The following ENPP3 variants were observed in gnomAD, a reference collection of about 807,000 sequenced individuals.
ENPP3 encodes ectonucleotide pyrophosphatase/phosphodiesterase family member 3.
Under a neutral mutation model 117.8 loss-of-function variants are expected in ENPP3, and 104 were observed. The ratio of observed to expected loss-of-function variants is 0.88; its 90% CI spans 0.75 to 1.04. The LOEUF is 1.04. Ranked by LOEUF, ENPP3 falls within the 50% of genes least tolerant of loss-of-function variation. ENPP3 has a pLI of 0.00. For synonymous variants in ENPP3, 380 were observed against 349.9 expected (o/e 1.09, Z -0.96); for missense variants, 1,026 against 1,051.9 (o/e 0.98, Z 0.34).
intron 19 of ENPP3, among the ~76,000 whole-genome samples, chr6:131,725,417 C>T (rs1188913533): frequency 6.6e-6 from 1 of 152,110 alleles, no homozygotes; most frequent in Non-Finnish European, 1.5e-5. Flanking sequence ...TCTTCTCACT[C>T]TGAGCTCGTA....
rs553593621 is a variant in ENPP3, at chr6:131,722,162, C to G, written c.1568-65C>G. On this transcript the variant is annotated intron_variant, in intron 17 of 24. Transcript: ENST00000357639. ...AGAGTAGGTGTTTGTTTCTTCCCAT[C>G]TCCCACAGAGGAGTTGTTGCTTTCC... is the stretch of plus-strand genomic sequence containing the variant. 51 of 1,171,848 alleles carry G rather than the reference C, an allele frequency of 4.4e-5. No individual in the cohort carries two copies. The South Asian group carries it at 6.5e-4, about 15-fold the overall frequency. The allele number at this position is 1,171,848 out of a possible 1,614,324, so 72.6% of individuals were successfully genotyped here. A position where few individuals can be genotyped will look rare whatever the true frequency, so the allele number is the denominator to read the frequency against.
chr6:131,672,637 T>C (rs1778770324), intron 7 of ENPP3, among the ~76,000 whole-genome samples: 1 of 151,908 alleles, frequency 6.6e-6, no homozygotes, highest in Non-Finnish European at 1.5e-5. Flanking sequence ...TTATAGAATA[T>C]AACTACTACG....
intron 18 of ENPP3, 93 bp from the exon 19 acceptor site, chr6:131,723,947 G>T: frequency 3.5e-6 from 3 of 847,086 alleles, no homozygotes; most frequent in Non-Finnish European, 5.8e-6. Context: ...ACATTTAATC[G>T]ATTACTACAG....
At chr6:131,746,128 A>G (rs1171637859) in intron 24 of ENPP3, among the ~76,000 whole-genome samples, 1 of 152,064 alleles carries the variant, frequency 6.6e-6, no homozygotes, top group Non-Finnish European at 1.5e-5. Flanking sequence ...TGGCCCAACA[A>G]TTTTATTAAT....
intron 2 of ENPP3, among the ~76,000 whole-genome samples, chr6:131,644,816 A>C (rs1261465550): frequency 1.3e-5 from 2 of 152,096 alleles, no homozygotes; most frequent in Non-Finnish European, 2.9e-5. Context: ...AGAATTGGGG[A>C]GGTGAAGGGG....
intron 11 of ENPP3, among the ~76,000 whole-genome samples, chr6:131,678,958 T>TTTCTTTCCTTCC (rs780684077): frequency 2.2e-4 from 18 of 82,960 alleles, no homozygotes; most frequent in East Asian, 6.2e-4. Context: ...TCTTTCTTTC[T>TTTCTTTCCTTCC]TTCCTTCCTT....
At chr6:131,641,328 T>A in intron 1 of ENPP3, 127 bp from the exon 2 acceptor site, 1 of 515,456 alleles carries the variant, frequency 1.9e-6, no homozygotes, top group Non-Finnish European at 3.5e-6. Flanking sequence ...AGATCATTGT[T>A]GGATCTGGTA....
rs550958852 is a variant in ENPP3, at chr6:131,670,416, G to T, written c.563-832G>T. On this transcript the variant is annotated intron_variant, in intron 6 of 24. Coordinates refer to ENST00000357639, the MANE Select transcript of ENPP3 (RefSeq NM_005021.5). ...AGGCTGTGGCCCATAGGCCAAAACT[G>T]GTTCACTCTACTCGTTTGTGTATGG... 7.4e-4 allele frequency among the ~76,000 whole-genome samples: 112 copies of T among 152,246 alleles called. 1 individual carries two copies. Among genetic ancestry groups the T allele is most frequent in the South Asian group, 2.5e-3 (12 of 4,814 alleles).
At chr6:131,688,426 A>G (rs73779854) in intron 14 of ENPP3, among the ~76,000 whole-genome samples, 1,552 of 152,348 alleles carry the variant, frequency 0.01, 22 homozygotes, top group African/African-American at 0.032. Context: ...TGAGGAAGGC[A>G]TGTTGAAAGT....
intron 10 of ENPP3, among the ~76,000 whole-genome samples, chr6:131,677,264 C>G (rs1455122448): frequency 1.3e-5 from 2 of 152,002 alleles, no homozygotes; most frequent in African/African-American, 4.8e-5. Context: ...TTCCTGGGAG[C>G]TAGTAACTTT....
chr6:131,671,105 C>A, intron 6 of ENPP3, 143 bp from the exon 7 acceptor site: 1 of 614,862 alleles, frequency 1.6e-6, no homozygotes, highest in South Asian at 1.8e-5. Flanking sequence ...GCTTAGAGAC[C>A]AGAATTTCAA....
intron 5 of ENPP3, among the ~76,000 whole-genome samples, chr6:131,654,841 T>C (rs1778350492): frequency 6.6e-6 from 1 of 152,186 alleles, no homozygotes; most frequent in South Asian, 2.1e-4. Flanking sequence ...TAGCTCAGAT[T>C]CAGCTGCTCT....
chr6:131,693,669 T>C (rs924922940), intron 15 of ENPP3, 45 bp downstream of exon 15: 1 of 1,577,614 alleles, frequency 6.3e-7, no homozygotes, highest in Admixed American at 1.7e-5. Context: ...TTAATAACCA[T>C]TTGTCATTAT....
intron 20 of ENPP3, among the ~76,000 whole-genome samples, chr6:131,727,026 A>G (rs921452252): frequency 6.6e-6 from 1 of 152,244 alleles, no homozygotes; most frequent in South Asian, 2.1e-4. Flanking sequence ...TGATTAGACT[A>G]CATAAACATT....
chr6:131,710,382 A>AGCATCTTT, intron 15 of ENPP3: 1 of 1,519,962 alleles, frequency 6.6e-7, no homozygotes, highest in South Asian at 1.2e-5. Context: ...TTTCATTCAA[A>AGCATCTTT]GCATCTTTTA....
intron 15 of ENPP3, among the ~76,000 whole-genome samples, chr6:131,699,235 C>CAAAAAAAA (rs4053087): frequency 0.015 from 1,566 of 105,416 alleles, 3 homozygotes; most frequent in South Asian, 0.055. Context: ...AAGACTGTCT[C>CAAAAAAAA]AAAAAAAAAA....
At chr6:131,668,813 G>C (rs540078406) in intron 6 of ENPP3, among the ~76,000 whole-genome samples, 1 of 152,074 alleles carries the variant, frequency 6.6e-6, no homozygotes, top group South Asian at 2.1e-4. Flanking sequence ...GGTTTATTGC[G>C]TGTCTTTCCA....
At chr6:131,695,193 G>A (rs1270518484) in intron 15 of ENPP3, among the ~76,000 whole-genome samples, 1 of 152,096 alleles carries the variant, frequency 6.6e-6, no homozygotes, top group Non-Finnish European at 1.5e-5. Context: ...AGTAATTTAG[G>A]TATGTAATAT....
chr6:131,637,405 A>G lies in ENPP3; in HGVS notation c.21A>G (p.Leu7=). The G allele has an allele frequency of 6.3e-7, 1 of 1,597,600 alleles. No individual in the cohort carries two copies. Among genetic ancestry groups the G allele is most frequent in the Non-Finnish European group, 8.5e-7 (1 of 1,172,280 alleles). The part of the protein sequence containing the change: MESTLT[L]ATEQPVKKNT... ...GGACAATGGAATCTACGTTGACTTTAGCAACGGAACAACCTGTTAAGAAGA... is the reference window on the plus strand; with the variant it reads ...GGACAATGGAATCTACGTTGACTTTGGCAACGGAACAACCTGTTAAGAAGA... Residue 7 remains leucine, a synonymous_variant, in exon 1 of 25, where the codon TTA becomes TTG. Coordinates refer to ENST00000357639, the MANE Select transcript of ENPP3 (RefSeq NM_005021.5).
Sources: gnomAD v4.1 joint callset for allele counts (sites outside exome capture counted in the v4.1 genomes callset) on GRCh38, gnomAD v4.1.1 for gene constraint, MANE v1.5 for transcripts, NCBI Gene and HGNC (gene_info 2026-07-23, HGNC 2026-07-21) for gene names.